Variants in CHCHD6 observed in about 807,000 individuals in gnomAD.
CHCHD6 encodes the protein MICOS complex subunit MIC25.
A neutral mutation model predicts 32.3 loss-of-function variants in CHCHD6; 28 were observed. That is an observed-to-expected ratio of 0.87 (90% CI 0.64 to 1.19). The LOEUF (loss-of-function observed/expected upper bound fraction) is 1.19. CHCHD6 is among the 50% of genes most tolerant of loss of function. The pLI, the probability that CHCHD6 is intolerant of heterozygous loss-of-function variation, is 0.00. For synonymous variants in CHCHD6, 122 were observed against 117.5 expected (o/e 1.04, Z -0.25); for missense variants, 333 against 307.0 (o/e 1.08, Z -0.63).
At chr3:126,807,992 C>A (rs1169305865) in intron 4 of CHCHD6, among the ~76,000 whole-genome samples, 4 of 152,188 alleles carry the variant, frequency 2.6e-5, no homozygotes, top group Non-Finnish European at 5.9e-5. Flanking sequence ...CCAGGTCAGG[C>A]CCTGTGTTTC....
chr3:126,891,423 G>A (rs1298351897), intron 5 of CHCHD6, among the ~76,000 whole-genome samples: 2 of 152,184 alleles, frequency 1.3e-5, no homozygotes, highest in African/African-American at 2.4e-5. Context: ...TGCACCAGGA[G>A]TCTAGTGGGA....
chr3:126,772,124 T>TA (rs1190161129), intron 4 of CHCHD6, among the ~76,000 whole-genome samples: 2 of 152,144 alleles, frequency 1.3e-5, no homozygotes, highest in Non-Finnish European at 2.9e-5. Flanking sequence ...TTTTTTGAGA[T>TA]AGAGTCTTGC....
In CHCHD6 at chr3:126,727,639, C is replaced by G. The variant is rs150928282; in HGVS notation, c.196+453C>G. Reference sequence around the variant, plus strand: ...AGCAGCCCTCACCTGAGCCTCAGGCCGAGAGCTCCTGTCCTGGCCCTTGGA... The same window carrying G: ...AGCAGCCCTCACCTGAGCCTCAGGCGGAGAGCTCCTGTCCTGGCCCTTGGA... On this transcript the variant is annotated intron_variant, in intron 2 of 7. Coordinates refer to ENST00000290913, the MANE Select transcript of CHCHD6 (RefSeq NM_032343.3). 2.6e-5 allele frequency among the ~76,000 whole-genome samples: 4 copies of G among 152,172 alleles called. No individual in the cohort carries two copies. In the East Asian group the frequency reaches 7.7e-4, roughly 29 times the overall value.
chr3:126,945,879 T>A (rs925519062), intron 6 of CHCHD6, among the ~76,000 whole-genome samples: 1 of 151,576 alleles, frequency 6.6e-6, no homozygotes, highest in Admixed American at 6.6e-5. Context: ...AGCTAAAGTT[T>A]CCAGCAGAGA....
At chr3:126,844,650 T>G (rs75678080) in intron 4 of CHCHD6, among the ~76,000 whole-genome samples, 10,459 of 152,280 alleles carry the variant, frequency 0.069, 447 homozygotes, top group Admixed American at 0.13. Context: ...GCCTTCTCAT[T>G]GGGGAGTGTG....
At chr3:126,848,377 A>G (rs374235877) in intron 4 of CHCHD6, among the ~76,000 whole-genome samples, 1 of 151,942 alleles carries the variant, frequency 6.6e-6, no homozygotes, top group Non-Finnish European at 1.5e-5. Context: ...ATCTTTACCT[A>G]TTTGGTGGTT....
intron 4 of CHCHD6, among the ~76,000 whole-genome samples, chr3:126,836,551 C>T (rs977945047): frequency 5.3e-5 from 8 of 152,182 alleles, no homozygotes; most frequent in Non-Finnish European, 7.3e-5. Flanking sequence ...TCTCATTCAT[C>T]GCAGGATCCC....
intron 1 of CHCHD6, among the ~76,000 whole-genome samples, chr3:126,715,398 G>A (rs970805438): frequency 6.6e-6 from 1 of 152,172 alleles, no homozygotes; most frequent in South Asian, 2.1e-4. Context: ...AGTCAGGGTC[G>A]TTTTTGTCAT....
chr3:126,835,872 A>G (rs1056184172), intron 4 of CHCHD6, among the ~76,000 whole-genome samples: 5 of 152,176 alleles, frequency 3.3e-5, no homozygotes, highest in African/African-American at 1.2e-4. Context: ...TTACTTTTTA[A>G]AAGGTGTTCA....
At chr3:126,754,861 T>C (rs1936886625) in intron 4 of CHCHD6, among the ~76,000 whole-genome samples, 1 of 152,206 alleles carries the variant, frequency 6.6e-6, no homozygotes, top group African/African-American at 2.4e-5. Context: ...GGAGGCTGTC[T>C]CTCAGAACGT....
chr3:126,950,693 G>A (rs553001612), intron 6 of CHCHD6, among the ~76,000 whole-genome samples: 32 of 152,160 alleles, frequency 2.1e-4, no homozygotes, highest in African/African-American at 7.2e-4. Context: ...TCAAGTGATC[G>A]CCTGCATCGG....
At chr3:126,818,084 T>C (rs531489386) in intron 4 of CHCHD6, among the ~76,000 whole-genome samples, 1 of 152,286 alleles carries the variant, frequency 6.6e-6, no homozygotes, top group Admixed American at 6.5e-5. Flanking sequence ...TAAAGCAAAG[T>C]CTGGCAGGGG....
intron 5 of CHCHD6, among the ~76,000 whole-genome samples, chr3:126,910,661 T>C (rs1252208882): frequency 6.6e-6 from 1 of 152,256 alleles, no homozygotes; most frequent in South Asian, 2.1e-4. Flanking sequence ...GCTTTGTTTA[T>C]AATAGTAGAA....
chr3:126,883,314 C>T (rs1412254041), intron 5 of CHCHD6, among the ~76,000 whole-genome samples: 1 of 152,114 alleles, frequency 6.6e-6, no homozygotes, highest in Non-Finnish European at 1.5e-5. Flanking sequence ...TCAGAAGTTC[C>T]GGAGGTCCTG....
At chr3:126,852,774 A>T in intron 5 of CHCHD6, 44 bp downstream of exon 5, 2 of 1,361,228 alleles carry the variant, frequency 1.5e-6, no homozygotes, top group South Asian at 2.4e-5. Context: ...CAGGTCCTAA[A>T]GGCATCTGAC....
intron 5 of CHCHD6, chr3:126,865,797 C>G (rs1482264128): frequency 2.2e-6 from 2 of 926,694 alleles, no homozygotes; most frequent in Non-Finnish European, 2.6e-6. Flanking sequence ...TTGCAGAAAT[C>G]CTCTCATATA....
intron 4 of CHCHD6, 63 bp from the exon 5 acceptor site, chr3:126,852,584 C>A (rs1941509225): frequency 5.7e-6 from 7 of 1,226,426 alleles, no homozygotes; most frequent in Non-Finnish European, 1.2e-6. Flanking sequence ...TCGCCTTCTC[C>A]CTGCAGCACC....
At chr3:126,917,400 C>T (rs1191362286) in intron 6 of CHCHD6, among the ~76,000 whole-genome samples, 1 of 152,126 alleles carries the variant, frequency 6.6e-6, no homozygotes, top group Non-Finnish European at 1.5e-5. Flanking sequence ...CCTGCCTGGA[C>T]GTAAGATGGC....
rs752348716 is a variant in CHCHD6 at position 126,704,341 on chromosome 3, G to A, written c.29G>A (p.Arg10His). Residue 10 changes from arginine to histidine, a missense_variant, in exon 1 of 8, where the codon CGC becomes CAC. By Grantham distance (29) the Arg-to-His change is conservative. Coordinates refer to ENST00000290913, the MANE Select transcript of CHCHD6 (RefSeq NM_032343.3). ...GGGAGCACGGAGAGCAGCGAGGGCC[G>A]CAGGGTGTCCTTCGGAGTGGACGAG... MGSTESSEG[R>H]RVSFGVDEEE... is the part of the protein sequence containing the mutation. The A allele has an allele frequency of 6.2e-7, 1 of 1,600,906 alleles. No homozygotes were observed. Among genetic ancestry groups the A allele is most frequent in the East Asian group, 2.3e-5 (1 of 44,376 alleles).
Sources: allele counts gnomAD v4.1 joint callset (sites outside exome capture counted in the v4.1 genomes callset), GRCh38; gene constraint gnomAD v4.1.1; transcripts MANE v1.5; gene names NCBI Gene and HGNC (gene_info 2026-07-23, HGNC 2026-07-21).